Variants in CTNNA1 observed in about 807,000 individuals in gnomAD.
The protein encoded by CTNNA1 is catenin alpha 1.
In CTNNA1, 37 loss-of-function variants were observed where a neutral mutation model predicts 98.4. The ratio of observed to expected loss-of-function variants is 0.38; its 90% confidence interval spans 0.29 to 0.49. The LOEUF (loss-of-function observed/expected upper bound fraction) is 0.49, where lower values mean the gene tolerates loss of function less well. Ranked by LOEUF, CTNNA1 falls within the 20% of genes least tolerant of loss-of-function variation. CTNNA1 has a pLI of 0.95. For missense variants in CTNNA1, 761 were observed against 1,147.2 expected (o/e 0.66, Z 4.86); for synonymous variants, 404 against 413.2 (o/e 0.98, Z 0.27).
At chr5:138,846,760 A>T (rs1040180565) in intron 7 of CTNNA1, among the ~76,000 whole-genome samples, 6 of 151,248 alleles carry the variant, frequency 4.0e-5, no homozygotes, top group East Asian at 1.9e-4. Context: ...AAAAATAGTT[A>T]AAAAAAAACC....
intron 7 of CTNNA1, chr5:138,875,189 A>T: frequency 2.8e-6 from 1 of 354,396 alleles, no homozygotes; most frequent in Non-Finnish European, 5.0e-6. Flanking sequence ...CAGCTGGTTA[A>T]TCAAAGCTTC....
rs543419552 is a variant in CTNNA1, at chr5:138,846,213, A to G, written c.1062+18495A>G. Reference sequence around the variant, plus strand: ...GTGATCCACCCTCCTCGGCCTCTCAAAGTGCTGGGATTACAGGCGCGAGCC... The same window carrying G: ...GTGATCCACCCTCCTCGGCCTCTCAGAGTGCTGGGATTACAGGCGCGAGCC... On this transcript the variant is annotated intron_variant, in intron 7 of 17. Coordinates refer to ENST00000302763, the MANE Select transcript of CTNNA1 (RefSeq NM_001903.5). Among the ~76,000 whole-genome samples the G allele has an allele frequency of 5.6e-4, 85 of 152,282 alleles. 1 individual carries two copies. The highest frequency in any genetic ancestry group is 2.0e-3 in the African/African-American group (85 of 41,558).
At chr5:138,765,997 A>G (rs1462846869) in intron 1 of CTNNA1, among the ~76,000 whole-genome samples, 1 of 150,956 alleles carries the variant, frequency 6.6e-6, no homozygotes, top group Non-Finnish European at 1.5e-5. Flanking sequence ...CTTTTTGCTA[A>G]TCTGTCATGA....
chr5:138,922,400 G>A (rs1213468678), intron 11 of CTNNA1, among the ~76,000 whole-genome samples: 1 of 152,090 alleles, frequency 6.6e-6, no homozygotes, highest in African/African-American at 2.4e-5. Flanking sequence ...AGATCTGTAG[G>A]GCCAGACCTA....
intron 6 of CTNNA1, among the ~76,000 whole-genome samples, chr5:138,825,611 A>G (rs1174582957): frequency 3.3e-5 from 5 of 150,394 alleles, no homozygotes; most frequent in Non-Finnish European, 7.4e-5. Context: ...ATGCTATGAA[A>G]TATAGAATAA....
intron 7 of CTNNA1, 188 bp downstream of exon 7, chr5:138,827,906 T>C: frequency 1.6e-6 from 1 of 638,290 alleles, no homozygotes; most frequent in Non-Finnish European, 2.6e-6. Flanking sequence ...TCCAGCTTAT[T>C]GAGAAATTTT....
At chr5:138,769,458 G>A (rs943803403) in intron 1 of CTNNA1, among the ~76,000 whole-genome samples, 4 of 151,674 alleles carry the variant, frequency 2.6e-5, no homozygotes, top group Admixed American at 2.6e-4. Flanking sequence ...GCATGATCTC[G>A]GCTCACTGCA....
At chr5:138,800,262 G>T (rs1052632564) in intron 3 of CTNNA1, among the ~76,000 whole-genome samples, 1 of 152,220 alleles carries the variant, frequency 6.6e-6, no homozygotes, top group Non-Finnish European at 1.5e-5. Context: ...TGCAGCTTCT[G>T]TGTGGGTGCA....
intron 4 of CTNNA1, among the ~76,000 whole-genome samples, chr5:138,810,413 G>A (rs933993946): frequency 1.4e-4 from 22 of 152,200 alleles, no homozygotes; most frequent in Non-Finnish European, 4.4e-5. Flanking sequence ...TGTCTTGGCT[G>A]TAATGAAGAA....
intron 10 of CTNNA1, among the ~76,000 whole-genome samples, chr5:138,906,823 C>A (rs1404698539): frequency 6.6e-6 from 1 of 152,158 alleles, no homozygotes; most frequent in Admixed American, 6.5e-5. Flanking sequence ...CTCACCTGGG[C>A]TCATTGCTAC....
In CTNNA1 at chr5:138,873,588, A is replaced by C; in HGVS notation, c.1063-12624A>C. The stretch of plus-strand genomic sequence containing the variant: ...CACCGACCTTGGAAACTGCCCAGCC[A>C]GGAGGCCAGAGCACATATTCGGGCG... On this transcript the variant is annotated intron_variant, in intron 7 of 17. Coordinates refer to ENST00000302763, the MANE Select transcript of CTNNA1 (RefSeq NM_001903.5). This position sits in a 1 kb window ranked among gnomAD's most constrained non-coding sequence, Gnocchi z 6.1. 6.2e-7 allele frequency: 1 copy of C among 1,614,028 alleles called. No individual in the cohort carries two copies. The highest frequency in any genetic ancestry group is 8.5e-7 in the Non-Finnish European group (1 of 1,179,900).
chr5:138,912,583 T>C (rs1311605102), intron 10 of CTNNA1, among the ~76,000 whole-genome samples: 2 of 152,206 alleles, frequency 1.3e-5, no homozygotes, highest in African/African-American at 4.8e-5. Flanking sequence ...AACTGAATGC[T>C]TTCCCTGTAT....
rs116473172 is a variant in CTNNA1 at position 138,788,303 on chromosome 5, A to G, written c.301+4931A>G. On this transcript the variant is annotated intron_variant, in intron 3 of 17. Transcript: ENST00000302763. ...CTTAAATGTTTGAGTAAGATAATTGATTATTCTCCGAGAAGTACAGTAAGA... is the reference window on the plus strand; with the variant it reads ...CTTAAATGTTTGAGTAAGATAATTGGTTATTCTCCGAGAAGTACAGTAAGA... Among the ~76,000 whole-genome samples, 559 of 152,304 alleles carry G rather than the reference A, an allele frequency of 3.7e-3. 2 individuals carry two copies. Among genetic ancestry groups the G allele is most frequent in the Middle Eastern group, 0.01 (3 of 294 alleles).
At chr5:138,798,106 G>T (rs1757165098) in intron 3 of CTNNA1, among the ~76,000 whole-genome samples, 1 of 152,136 alleles carries the variant, frequency 6.6e-6, no homozygotes, top group African/African-American at 2.4e-5. Context: ...TTTCTAAAAA[G>T]GTAAGAAACA....
chr5:138,926,953 G>A (rs936920031), intron 13 of CTNNA1, among the ~76,000 whole-genome samples: 4 of 152,130 alleles, frequency 2.6e-5, no homozygotes, highest in South Asian at 2.1e-4. Flanking sequence ...TAGTGACTCC[G>A]TCTTCCCTTG....
intron 7 of CTNNA1, among the ~76,000 whole-genome samples, chr5:138,841,738 A>G (rs1403800688): frequency 1.3e-5 from 2 of 151,918 alleles, no homozygotes; most frequent in African/African-American, 4.8e-5. Context: ...TAAATATCCT[A>G]CAAGTATTAC....
At chr5:138,756,967 G>A (rs990490186) in intron 1 of CTNNA1, among the ~76,000 whole-genome samples, 1 of 151,802 alleles carries the variant, frequency 6.6e-6, no homozygotes, top group Non-Finnish European at 1.5e-5. Flanking sequence ...GGGAGGCTGA[G>A]TTGGGAGGAT....
chr5:138,869,482 A>G (rs1484809034), intron 7 of CTNNA1: 2 of 152,144 alleles, frequency 1.3e-5, no homozygotes, highest in Non-Finnish European at 2.9e-5. Context: ...TGTATTAGGA[A>G]AACGATCATG....
chr5:138,889,856 G>A lies in CTNNA1; in HGVS notation c.1296+2214G>A, dbSNP rs1419683402. Among the ~76,000 whole-genome samples, 7 of 152,194 alleles carry A rather than the reference G, an allele frequency of 4.6e-5. No individual in the cohort carries two copies. The South Asian group carries it at 1.2e-3, about 27-fold the overall frequency. ...GACACTAGGATGTATAATTGCATAT[G>A]TCCATGAAAAGGAAATAAATTTTTA... On this transcript the variant is annotated intron_variant, in intron 9 of 17. Transcript: ENST00000302763.
Sources: gnomAD v4.1 joint callset for allele counts (sites outside exome capture counted in the v4.1 genomes callset) on GRCh38, gnomAD v4.1.1 for gene constraint, Gnocchi (gnomAD v3.1) non-coding constraint, MANE v1.5 for transcripts, NCBI Gene and HGNC (gene_info 2026-07-23, HGNC 2026-07-21) for gene names.